Variants in PCSK2 observed in about 807,000 individuals in gnomAD.
The protein encoded by PCSK2 is neuroendocrine convertase 2.
In PCSK2, 14 loss-of-function variants were observed where a neutral mutation model predicts 69.7. That is an observed-to-expected ratio of 0.20 (90% confidence interval 0.13 to 0.31). The LOEUF is 0.31. PCSK2 is among the 10% of genes least tolerant of loss of function. The probability of loss-of-function intolerance (pLI) is 1.00; values close to 1 mark genes in which losing one functional copy is unlikely to be tolerated. For synonymous variants in PCSK2, 307 were observed against 320.7 expected (o/e 0.96, Z 0.46); for missense variants, 544 against 842.5 (o/e 0.65, Z 4.39).
chr20:17,259,692 C>T (rs1164351828), intron 1 of PCSK2, among the ~76,000 whole-genome samples: 1 of 152,172 alleles, frequency 6.6e-6, no homozygotes. Flanking sequence ...GAAACCAGAC[C>T]TGCCATCCAA....
At position 17,299,482 on chromosome 20, in the gene PCSK2, T is replaced by C. The variant is rs1046309545; in HGVS notation, c.282+39138T>C. ...CTTTTAACAACCATATTTTTAATTT[T>C]CCTTGCCCATTTATTCTTTCAGAAG... is the stretch of plus-strand genomic sequence containing the variant. On this transcript the variant is annotated intron_variant, in intron 2 of 11. Transcript: ENST00000262545. Among the ~76,000 whole-genome samples, 4 of 152,188 alleles carry C rather than the reference T, an allele frequency of 2.6e-5. No individual in the cohort carries two copies. The South Asian group carries it at 6.2e-4, about 24-fold the overall frequency.
chr20:17,348,050 G>GAAAGGAAA (rs202080909), intron 2 of PCSK2, among the ~76,000 whole-genome samples: 5 of 86,826 alleles, frequency 5.8e-5, no homozygotes, highest in Admixed American at 1.1e-4. Flanking sequence ...AAGAAAGAAA[G>GAAAGGAAA]GAAAGAAAGA....
chr20:17,421,181 C>T (rs73898509), intron 6 of PCSK2, among the ~76,000 whole-genome samples: 5,887 of 152,196 alleles, frequency 0.039, 393 homozygotes, highest in African/African-American at 0.13. Flanking sequence ...CCAAAGATAC[C>T]TTGTATGCAT....
chr20:17,358,644 C>A (rs779982890), intron 3 of PCSK2, among the ~76,000 whole-genome samples: 2 of 152,222 alleles, frequency 1.3e-5, no homozygotes, highest in Non-Finnish European at 2.9e-5. Flanking sequence ...TGCTAAGTAG[C>A]CCTTGTCTCC....
At chr20:17,431,213 A>G (rs7273642) in intron 7 of PCSK2, among the ~76,000 whole-genome samples, 12,299 of 152,232 alleles carry the variant, frequency 0.081, 564 homozygotes, top group Middle Eastern at 0.23. Context: ...TCCTGCAGGT[A>G]ATTCTCTGAG....
intron 4 of PCSK2, among the ~76,000 whole-genome samples, chr20:17,363,691 T>C (rs1420200382): frequency 6.6e-6 from 1 of 152,180 alleles, no homozygotes; most frequent in Admixed American, 6.5e-5. Context: ...GGAAGTGAGA[T>C]GGAAGGCCAG....
intron 11 of PCSK2, among the ~76,000 whole-genome samples, chr20:17,477,508 A>G (rs2033313383): frequency 6.6e-6 from 1 of 152,196 alleles, no homozygotes; most frequent in Non-Finnish European, 1.5e-5. Context: ...ATAATCTTCA[A>G]GGGCACAAAA....
rs149655400 is a variant in PCSK2, at chr20:17,267,089, G to T, written c.282+6745G>T. Among the ~76,000 whole-genome samples, 180 of 152,206 alleles carry T rather than the reference G, an allele frequency of 1.2e-3. 2 individuals carry two copies. Among genetic ancestry groups the T allele is most frequent in the African/African-American group, 4.1e-3 (170 of 41,540 alleles). ...GAGTGGACATGGCTTCCCAGATCAG[G>T]AGCTCTCCGTGCCCAATCCAGCTCC... is the stretch of plus-strand genomic sequence containing the variant. On this transcript the variant is annotated intron_variant, in intron 2 of 11. Transcript: ENST00000262545.
At chr20:17,226,676 A>C (rs1985915240), upstream of PCSK2, among the ~76,000 whole-genome samples, 1 of 151,740 alleles carries the variant, frequency 6.6e-6, no homozygotes, top group African/African-American at 2.4e-5. Context: ...GATTCCCACA[A>C]ACAATGACAT....
Position 17,302,672 on chromosome 20 carries a change from C to T in PCSK2, c.282+42328C>T, listed in dbSNP as rs566803472. Among the ~76,000 whole-genome samples the T allele has an allele frequency of 1.0e-3, 157 of 152,282 alleles. 1 individual carries two copies. The highest frequency in any genetic ancestry group is 3.5e-3 in the African/African-American group (147 of 41,558). On this transcript the variant is annotated intron_variant, in intron 2 of 11. Coordinates refer to ENST00000262545, the MANE Select transcript of PCSK2 (RefSeq NM_002594.5). ...TCATGGGTAGACAGCCCTGTTTCAA[C>T]TCCTGAATTCACACAGAGAACCAGG...
intron 4 of PCSK2, among the ~76,000 whole-genome samples, chr20:17,362,538 C>T (rs1019995626): frequency 3.3e-5 from 5 of 152,120 alleles, no homozygotes; most frequent in Non-Finnish European, 5.9e-5. Flanking sequence ...GCTCAGCCTC[C>T]CTCCCTTTCC....
chr20:17,300,560 A>G (rs1989046720), intron 2 of PCSK2, among the ~76,000 whole-genome samples: 2 of 152,226 alleles, frequency 1.3e-5, no homozygotes, highest in Admixed American at 6.5e-5. Context: ...GTTTAGGAGG[A>G]TGACATTGAC....
chr20:17,348,304 G>A (rs1348583540), intron 2 of PCSK2, among the ~76,000 whole-genome samples: 1 of 152,214 alleles, frequency 6.6e-6, no homozygotes, highest in Non-Finnish European at 1.5e-5. Context: ...AGGCATCTGG[G>A]CAGCTTTGGA....
rs2032872620 is a variant in PCSK2, at chr20:17,453,894, C to T, written c.1038C>T (p.Ser346=). Residue 346 remains serine (S), a synonymous_variant, in exon 9 of 12, where the codon AGC becomes AGT. Transcript: ENST00000262545. The surrounding 1 kb of genome is among the most constrained non-coding windows in gnomAD (Gnocchi z 4.0). ...NDGRTALYDE[S]CSSTLASTFS... ...GCAGGACTGCCCTGTACGACGAGAG[C>T]TGCTCTTCCACCTTGGCTTCCACCT... 1.2e-6 allele frequency: 2 copies of T among 1,614,262 alleles called. No individual in the cohort carries two copies. Among genetic ancestry groups the T allele is most frequent in the Non-Finnish European group, 1.7e-6 (2 of 1,180,038 alleles).
intron 5 of PCSK2, among the ~76,000 whole-genome samples, chr20:17,372,259 G>C (rs2030790642): frequency 6.6e-6 from 1 of 152,016 alleles, no homozygotes; most frequent in Non-Finnish European, 1.5e-5. Flanking sequence ...TGTGCCTGTA[G>C]TCCCAGATAC....
chr20:17,250,900 G>A (rs1397427242), intron 1 of PCSK2, among the ~76,000 whole-genome samples: 1 of 152,074 alleles, frequency 6.6e-6, no homozygotes, highest in African/African-American at 2.4e-5. Flanking sequence ...AGGAGTTCAA[G>A]CTCAGCCTGG....
At position 17,245,519 on chromosome 20, in the gene PCSK2, G is replaced by GA. The variant is rs1206336925; in HGVS notation, c.178-14720dup. Among the ~76,000 whole-genome samples, 3 of 152,312 alleles carry GA rather than the reference G, an allele frequency of 2.0e-5. No homozygotes were observed. The East Asian group carries it at 5.8e-4, about 29-fold the overall frequency. ...TAGAAATAACTCTGAACCCAAAGCT[G>GA]ATGTTTGGGAGTAGTTAACTTCTTC... On this transcript the variant is annotated intron_variant, in intron 1 of 11. Transcript: ENST00000262545.
chr20:17,397,787 ATAT>A (rs1487575788), intron 5 of PCSK2, among the ~76,000 whole-genome samples: 1 of 152,068 alleles, frequency 6.6e-6, no homozygotes, highest in Non-Finnish European at 1.5e-5. Context: ...AAATTCAATA[ATAT>A]TATGCTTAGT....
intron 5 of PCSK2, among the ~76,000 whole-genome samples, chr20:17,372,114 T>C (rs987331712): frequency 1.3e-5 from 2 of 152,190 alleles, no homozygotes; most frequent in Admixed American, 6.5e-5. Flanking sequence ...AAGAACTGTC[T>C]AGTGATTAAG....
Sources: gnomAD v4.1 joint callset for allele counts (sites outside exome capture counted in the v4.1 genomes callset) on GRCh38, gnomAD v4.1.1 for gene constraint, Gnocchi (gnomAD v3.1) non-coding constraint, MANE v1.5 for transcripts, NCBI Gene and HGNC (gene_info 2026-07-23, HGNC 2026-07-21) for gene names.